TAFA2: variants seen among roughly 807,000 people sequenced by gnomAD.
TAFA2 encodes the protein chemokine-like protein TAFA-2.
Under a neutral mutation model 18.8 loss-of-function variants are expected in TAFA2, and 7 were observed. That is an observed-to-expected ratio of 0.37 (90% CI 0.21 to 0.70). TAFA2 has a LOEUF of 0.70. TAFA2 is among the 30% of genes least tolerant of loss of function. TAFA2 has a pLI of 0.53. For missense variants in TAFA2, 122 were observed against 158.1 expected (o/e 0.77, Z 1.23); for synonymous variants, 60 against 54.2 (o/e 1.11, Z -0.47).
At chr12:61,896,168 A>C (rs561309073) in intron 1 of TAFA2, among the ~76,000 whole-genome samples, 1 of 152,170 alleles carries the variant, frequency 6.6e-6, no homozygotes, top group Admixed American at 6.5e-5. Context: ...ATGGAAAGCC[A>C]GTTCTTTATT....
chr12:61,782,648 C>T (rs1870555311), intron 2 of TAFA2, among the ~76,000 whole-genome samples: 1 of 151,678 alleles, frequency 6.6e-6, no homozygotes, highest in South Asian at 2.1e-4. Context: ...GAATAAATCT[C>T]TTCAAATATT....
intron 2 of TAFA2, among the ~76,000 whole-genome samples, chr12:61,815,194 A>G (rs1027804363): frequency 1.3e-5 from 2 of 151,490 alleles, no homozygotes; most frequent in Admixed American, 6.6e-5. Context: ...GAAGATAGGC[A>G]TTGGATTGGA....
intron 1 of TAFA2, among the ~76,000 whole-genome samples, chr12:61,994,613 T>A (rs978948807): frequency 3.9e-5 from 6 of 152,298 alleles, no homozygotes; most frequent in African/African-American, 7.2e-5. Context: ...ATATTTCTAA[T>A]CATTTTTCCC....
chr12:61,842,639 T>C (rs1247847051), intron 2 of TAFA2, among the ~76,000 whole-genome samples: 1 of 151,844 alleles, frequency 6.6e-6, no homozygotes, highest in African/African-American at 2.4e-5. Flanking sequence ...TCAGAACAAA[T>C]CCAATGATAC....
chr12:61,791,148 C>A (rs796220396), intron 2 of TAFA2, among the ~76,000 whole-genome samples: 8 of 151,890 alleles, frequency 5.3e-5, no homozygotes, highest in Admixed American at 2.0e-4. Context: ...ATTTGTATAT[C>A]CAGTTGTAGG....
chr12:61,929,539 G>A (rs1028279183), intron 1 of TAFA2, among the ~76,000 whole-genome samples: 8 of 152,054 alleles, frequency 5.3e-5, no homozygotes, highest in African/African-American at 7.2e-5. Context: ...AAATAGGAAC[G>A]TTTTTACACT....
At chr12:61,852,357 CA>C (rs1395602522) in intron 2 of TAFA2, among the ~76,000 whole-genome samples, 2 of 152,100 alleles carry the variant, frequency 1.3e-5, no homozygotes, top group African/African-American at 2.4e-5. Context: ...GAGATGATCC[CA>C]AAGACTGGCT....
intron 1 of TAFA2, among the ~76,000 whole-genome samples, chr12:62,063,855 G>GACACAC (rs3031045): frequency 0.24 from 35,507 of 147,794 alleles, 4,568 homozygotes; most frequent in Middle Eastern, 0.35. Context: ...AGGGTGGCTG[G>GACACAC]ACACACACAC....
chr12:62,258,558 T>C (rs1456849297), intron 1 of TAFA2: 1 of 163,200 alleles, frequency 6.1e-6, no homozygotes, highest in Non-Finnish European at 1.4e-5. Context: ...TGAGGTATAA[T>C]TCACATACTG....
At chr12:62,236,484 C>T (rs2062838206) in intron 1 of TAFA2, among the ~76,000 whole-genome samples, 1 of 152,056 alleles carries the variant, frequency 6.6e-6, no homozygotes, top group African/African-American at 2.4e-5. Context: ...CCAAGATGGT[C>T]TCCATCTCCT....
intron 1 of TAFA2, among the ~76,000 whole-genome samples, chr12:62,222,362 C>T (rs997304736): frequency 6.6e-6 from 1 of 152,072 alleles, no homozygotes; most frequent in African/African-American, 2.4e-5. Flanking sequence ...ATCAAAGAAA[C>T]CACCAGAGAA....
chr12:61,978,715 T>G (rs1879524394), intron 1 of TAFA2, among the ~76,000 whole-genome samples: 1 of 151,966 alleles, frequency 6.6e-6, no homozygotes, highest in African/African-American at 2.4e-5. Context: ...TTAGAACGCC[T>G]GGAGAAGCAG....
chr12:61,875,322 T>C (rs1385452124), intron 1 of TAFA2, among the ~76,000 whole-genome samples: 1 of 152,076 alleles, frequency 6.6e-6, no homozygotes, highest in Non-Finnish European at 1.5e-5. Flanking sequence ...ACTTTCTTTC[T>C]CTGCATTTCT....
intron 4 of TAFA2, among the ~76,000 whole-genome samples, chr12:61,745,903 G>GT: frequency 6.6e-6 from 1 of 152,152 alleles, no homozygotes. Flanking sequence ...AACAGATGGG[G>GT]GAAGGGGAAG....
chr12:61,804,672 C>T (rs1871536845), intron 2 of TAFA2, among the ~76,000 whole-genome samples: 1 of 151,996 alleles, frequency 6.6e-6, no homozygotes, highest in Admixed American at 6.6e-5. Context: ...GGAATTATTA[C>T]CTGGAATAAA....
chr12:61,917,051 CT>C (rs1342765712), intron 1 of TAFA2, among the ~76,000 whole-genome samples: 1 of 152,082 alleles, frequency 6.6e-6, no homozygotes, highest in Non-Finnish European at 1.5e-5. Context: ...CATGTGAGAT[CT>C]CCCAGCCCCC....
chr12:62,040,905 T>C (rs761645455), intron 1 of TAFA2, among the ~76,000 whole-genome samples: 7 of 152,146 alleles, frequency 4.6e-5, no homozygotes, highest in African/African-American at 1.7e-4. Context: ...AAAATGACCT[T>C]TCTGGTCAAA....
chr12:62,059,139 A>ATGTGTGTGTGTGTGTGTGTG (rs374882700), intron 1 of TAFA2, among the ~76,000 whole-genome samples: 1,840 of 136,250 alleles, frequency 0.014, 29 homozygotes, highest in African/African-American at 0.024. Context: ...ATGTGTGTAT[A>ATGTGTGTGTGTGTGTGTGTG]TGTGTGTGTG....
chr12:61,952,161 A>G (rs138177340), intron 1 of TAFA2, among the ~76,000 whole-genome samples: 158 of 152,202 alleles, frequency 1.0e-3, no homozygotes, highest in Middle Eastern at 0.01. Context: ...TGTTTAGGTG[A>G]TGACTGAAAG....
Sources: allele counts gnomAD v4.1 joint callset (sites outside exome capture counted in the v4.1 genomes callset), GRCh38; gene constraint gnomAD v4.1.1; transcripts MANE v1.5; gene names NCBI Gene and HGNC (gene_info 2026-07-23, HGNC 2026-07-21).